Variants in GNG5 observed in about 807,000 individuals in gnomAD.
GNG5 encodes G protein subunit gamma 5, also known as guanine nucleotide-binding protein G(I)/G(S)/G(O) subunit gamma-5.
Under a neutral mutation model 6.2 loss-of-function variants are expected in GNG5, and 2 were observed. The ratio of observed to expected loss-of-function variants is 0.32; its 90% CI spans 0.13 to 1.01. The LOEUF (loss-of-function observed/expected upper bound fraction) is 1.01, where lower values mean the gene tolerates loss of function less well. Ranked by LOEUF, GNG5 falls within the 50% of genes least tolerant of loss-of-function variation. The pLI is 0.48. For synonymous variants in GNG5, 24 were observed against 33.0 expected, an observed-to-expected ratio of 0.73 and a Z score of 0.93; for missense variants, 57 against 80.2, an observed-to-expected ratio of 0.71 and a Z score of 1.10.
chr1:84,505,955 G>C, intron 2 of GNG5, 56 bp downstream of exon 2: 1 of 1,221,136 alleles, frequency 8.2e-7, no homozygotes, highest in Non-Finnish European at 1.1e-6. Flanking sequence ...CTGGGCCGCC[G>C]GATCCCACCC....
intron 3 of GNG5, among the ~76,000 whole-genome samples, chr1:84,499,461 T>C (rs936137451): frequency 2.0e-5 from 3 of 152,204 alleles, no homozygotes; most frequent in African/African-American, 7.2e-5. Flanking sequence ...TCCTTTTTAC[T>C]TCTAGAAACT....
At chr1:84,500,356 C>T (rs1682031249) in intron 3 of GNG5, among the ~76,000 whole-genome samples, 1 of 152,176 alleles carries the variant, frequency 6.6e-6, no homozygotes, top group Admixed American at 6.5e-5. Context: ...GATTAATAGA[C>T]ATTATTTTAC....
chr1:84,505,934 GC>G, intron 2 of GNG5, 76 bp downstream of exon 2: 2 of 886,740 alleles, frequency 2.3e-6, no homozygotes, highest in Non-Finnish European at 1.6e-6. Flanking sequence ...TGTCCCGCCC[GC>G]CCCCGCCAGC....
intron 3 of GNG5, among the ~76,000 whole-genome samples, chr1:84,498,951 G>A (rs1324193788): frequency 2.6e-5 from 4 of 152,034 alleles, no homozygotes; most frequent in African/African-American, 9.7e-5. Context: ...CATGTACAAG[G>A]ATACTGACTG....
intron 3 of GNG5, among the ~76,000 whole-genome samples, chr1:84,499,960 T>C (rs1570358768): frequency 6.6e-6 from 1 of 152,182 alleles, no homozygotes; most frequent in Non-Finnish European, 1.5e-5. Context: ...CCGGGCGTGG[T>C]GGTGTGCACC....
At chr1:84,505,562 G>A (rs897101192) in intron 2 of GNG5, among the ~76,000 whole-genome samples, 1 of 152,230 alleles carries the variant, frequency 6.6e-6, no homozygotes, top group Admixed American at 6.5e-5. Flanking sequence ...AGTAGGTTTG[G>A]GAAAGATCAA....
intron 2 of GNG5, among the ~76,000 whole-genome samples, chr1:84,504,006 T>G (rs912380872): frequency 2.0e-5 from 3 of 152,194 alleles, no homozygotes; most frequent in Non-Finnish European, 4.4e-5. Context: ...TGCTAGCCCC[T>G]AAGGCACTGT....
chr1:84,499,636 A>T (rs1021402728), intron 3 of GNG5, among the ~76,000 whole-genome samples: 4 of 152,240 alleles, frequency 2.6e-5, no homozygotes, highest in East Asian at 1.9e-4. Flanking sequence ...AAATTCATTT[A>T]AAAAAGGCAG....
intron 2 of GNG5, among the ~76,000 whole-genome samples, chr1:84,504,662 G>A (rs1366176174): frequency 6.6e-6 from 1 of 152,114 alleles, no homozygotes; most frequent in Non-Finnish European, 1.5e-5. Context: ...AGACTGACTA[G>A]AAACCACTGT....
intron 3 of GNG5, among the ~76,000 whole-genome samples, chr1:84,501,413 G>A (rs1682054300): frequency 6.6e-6 from 1 of 152,136 alleles, no homozygotes; most frequent in African/African-American, 2.4e-5. Flanking sequence ...CAAATCAGTT[G>A]GTAGTACTTT....
At chr1:84,504,015 G>C (rs1186793951) in intron 2 of GNG5, among the ~76,000 whole-genome samples, 2 of 152,202 alleles carry the variant, frequency 1.3e-5, no homozygotes, top group African/African-American at 4.8e-5. Flanking sequence ...CTAAGGCACT[G>C]TAACAATCAC....
At chr1:84,505,735 G>A (rs950304695) in intron 2 of GNG5, among the ~76,000 whole-genome samples, 1 of 152,206 alleles carries the variant, frequency 6.6e-6, no homozygotes, top group Non-Finnish European at 1.5e-5. Context: ...AGACGGAGGA[G>A]GACCGGAATG....
chr1:84,504,139 A>G (rs975633270), intron 2 of GNG5, among the ~76,000 whole-genome samples: 10 of 152,232 alleles, frequency 6.6e-5, no homozygotes, highest in Non-Finnish European at 1.5e-4. Flanking sequence ...AGTTCTATCA[A>G]TTGTACTCAC....
At chr1:84,503,062 G>C (rs1268896978) in intron 2 of GNG5, among the ~76,000 whole-genome samples, 2 of 152,188 alleles carry the variant, frequency 1.3e-5, no homozygotes, top group Non-Finnish European at 2.9e-5. Flanking sequence ...ATTGAAGTTT[G>C]CTAGCAGCCT....
chr1:84,505,911 G>A (rs961829493), intron 2 of GNG5, 100 bp downstream of exon 2: 2 of 833,442 alleles, frequency 2.4e-6, no homozygotes, highest in East Asian at 3.6e-5. Flanking sequence ...CAGGGGAAGC[G>A]AGGGCCGGCG....
chr1:84,505,243 C>T (rs774500649), intron 2 of GNG5, among the ~76,000 whole-genome samples: 15 of 152,162 alleles, frequency 9.9e-5, no homozygotes, highest in Non-Finnish European at 4.4e-5. Flanking sequence ...CTTTTTCTCC[C>T]AAAGTACCCC....
chr1:84,506,358 G>A, intron 1 of GNG5, 57 bp from the exon 2 acceptor site: 1 of 348,608 alleles, frequency 2.9e-6, no homozygotes, highest in Non-Finnish European at 5.3e-6. Flanking sequence ...GGCTGCTGGA[G>A]GCTAGCGCGA....
intron 1 of GNG5, 60 bp downstream of exon 1, chr1:84,506,376 C>T: frequency 3.4e-6 from 1 of 297,908 alleles, no homozygotes; most frequent in South Asian, 5.9e-5. Context: ...CGACCCGACT[C>T]TTAAGTTTTC....
chr1:84,502,027 T>C, intron 2 of GNG5, 57 bp from the exon 3 acceptor site: 1 of 1,373,918 alleles, frequency 7.3e-7, no homozygotes, highest in Non-Finnish European at 1.0e-6. Context: ...TTAATGAAGG[T>C]TTTCTCAATC....
Sources: gnomAD v4.1 joint callset for allele counts (sites outside exome capture counted in the v4.1 genomes callset) on GRCh38, gnomAD v4.1.1 for gene constraint, MANE v1.5 for transcripts, NCBI Gene and HGNC (gene_info 2026-07-23, HGNC 2026-07-21) for gene names.